The following KCNQ5 variants were observed in gnomAD, a reference collection of about 807,000 sequenced individuals.
KCNQ5 encodes potassium voltage-gated channel subfamily Q member 5, also known as potassium voltage-gated channel subfamily KQT member 5.
Under a neutral mutation model 98.2 loss-of-function variants are expected in KCNQ5, and 30 were observed. The ratio of observed to expected loss-of-function variants is 0.31; its 90% CI spans 0.23 to 0.41. KCNQ5 has a LOEUF of 0.41. KCNQ5 is among the 10% of genes least tolerant of loss of function. The pLI, the probability that KCNQ5 is intolerant of heterozygous loss-of-function variation, is 1.00. For synonymous variants in KCNQ5, 458 were observed against 449.4 expected (o/e 1.02, Z -0.24); for missense variants, 835 against 1,182.5 (o/e 0.71, Z 4.31).
intron 2 of KCNQ5, among the ~76,000 whole-genome samples, chr6:73,009,192 A>G (rs1769950468): frequency 6.6e-6 from 1 of 152,066 alleles, no homozygotes; most frequent in South Asian, 2.1e-4. Context: ...GGGTTTCACC[A>G]TATTAGCCAG....
intron 1 of KCNQ5, among the ~76,000 whole-genome samples, chr6:72,897,785 C>T (rs1178875312): frequency 6.6e-6 from 1 of 152,132 alleles, no homozygotes; most frequent in Non-Finnish European, 1.5e-5. Flanking sequence ...AAAATCATGG[C>T]TTTGTTGGGG....
chr6:73,120,646 C>G (rs1775707903), intron 8 of KCNQ5, 69 bp downstream of exon 8: 15 of 955,576 alleles, frequency 1.6e-5, no homozygotes, highest in Non-Finnish European at 2.1e-5. Flanking sequence ...ACCATACCCA[C>G]ACACACAAAA....
At chr6:72,923,012 A>C (rs1049096666) in intron 1 of KCNQ5, among the ~76,000 whole-genome samples, 5 of 151,718 alleles carry the variant, frequency 3.3e-5, no homozygotes, top group Admixed American at 2.6e-4. Context: ...GGGTTCCACC[A>C]TGTTGGCCAA....
At chr6:72,917,434 C>A (rs529508333) in intron 1 of KCNQ5, among the ~76,000 whole-genome samples, 4 of 151,228 alleles carry the variant, frequency 2.6e-5, no homozygotes, top group African/African-American at 7.3e-5. Flanking sequence ...AGGAGCCCCC[C>A]CACCATTTTT....
At chr6:73,103,655 T>C (rs1198217676) in intron 5 of KCNQ5, among the ~76,000 whole-genome samples, 1 of 151,850 alleles carries the variant, frequency 6.6e-6, no homozygotes, top group African/African-American at 2.4e-5. Context: ...AATTAACAGT[T>C]AAACTCACAA....
At chr6:72,677,914 T>C (rs1001158495) in intron 1 of KCNQ5, among the ~76,000 whole-genome samples, 25 of 152,252 alleles carry the variant, frequency 1.6e-4, no homozygotes, top group African/African-American at 6.0e-4. Flanking sequence ...TAGTAATTAC[T>C]GCCATTATTG....
chr6:72,805,113 G>T (rs1453732844), intron 1 of KCNQ5, among the ~76,000 whole-genome samples: 4 of 152,046 alleles, frequency 2.6e-5, no homozygotes, highest in African/African-American at 9.7e-5. Flanking sequence ...CATTCTGTGG[G>T]TTGTCTCTTC....
intron 1 of KCNQ5, among the ~76,000 whole-genome samples, chr6:72,632,138 C>CT (rs71540354): frequency 0.58 from 73,497 of 127,562 alleles, 22,784 homozygotes; most frequent in Middle Eastern, 0.73. Flanking sequence ...TTCTTTCTTT[C>CT]TTTTTTTTTT....
At position 72,899,066 on chromosome 6, in the gene KCNQ5, C is replaced by A. The variant is rs150888644; in HGVS notation, c.399-104842C>A. On this transcript the variant is annotated intron_variant, in intron 1 of 13. Transcript: ENST00000370398. ...AATTTGTTTAAGTTCCTTATAAATTCTGTATATTAGACCTTTGTCAGATGG... is the reference window on the plus strand; with the variant it reads ...AATTTGTTTAAGTTCCTTATAAATTATGTATATTAGACCTTTGTCAGATGG... 8.0e-3 allele frequency among the ~76,000 whole-genome samples: 1,221 copies of A among 152,110 alleles called. 29 individuals carry two copies. The highest frequency in any genetic ancestry group is 0.028 in the African/African-American group (1,155 of 41,496).
intron 2 of KCNQ5, among the ~76,000 whole-genome samples, chr6:73,034,806 A>T: frequency 6.6e-6 from 1 of 151,898 alleles, no homozygotes; most frequent in Non-Finnish European, 1.5e-5. Context: ...ATTGTAGATA[A>T]AATTCAAGAC....
chr6:72,868,066 A>T (rs1778063857), intron 1 of KCNQ5, among the ~76,000 whole-genome samples: 1 of 152,324 alleles, frequency 6.6e-6, no homozygotes, highest in East Asian at 1.9e-4. Flanking sequence ...CCAATCCGTC[A>T]GTCACATAGA....
intron 1 of KCNQ5, among the ~76,000 whole-genome samples, chr6:72,734,589 G>A (rs1770729995): frequency 6.6e-6 from 1 of 152,078 alleles, no homozygotes; most frequent in African/African-American, 2.4e-5. Flanking sequence ...ACTTTTATTT[G>A]TGCTGTGGTT....
In KCNQ5 at chr6:72,843,800, A is replaced by G. The variant is rs190799575; in HGVS notation, c.399-160108A>G. On this transcript the variant is annotated intron_variant, in intron 1 of 13. Transcript: ENST00000370398. ...TTGGAACCAGCCCAAATGCCCATCA[A>G]TGATAGACTGGATAAAGAAAATGTG... is the stretch of plus-strand genomic sequence containing the variant. Among the ~76,000 whole-genome samples, 5 of 152,334 alleles carry G rather than the reference A, an allele frequency of 3.3e-5. No individual in the cohort carries two copies. In the East Asian group the frequency reaches 7.7e-4, roughly 24 times the overall value.
chr6:72,823,544 G>A (rs1000158742), intron 1 of KCNQ5, among the ~76,000 whole-genome samples: 4 of 152,078 alleles, frequency 2.6e-5, no homozygotes, highest in Non-Finnish European at 4.4e-5. Context: ...GTTAGTATTT[G>A]AACATAAACA....
At chr6:72,842,500 T>C (rs547510716) in intron 1 of KCNQ5, among the ~76,000 whole-genome samples, 2 of 152,314 alleles carry the variant, frequency 1.3e-5, no homozygotes, top group African/African-American at 2.4e-5. Flanking sequence ...ATGTAGTTTA[T>C]CTAAGATCAT....
chr6:72,622,193 C>T lies in KCNQ5; in HGVS notation c.4C>T (p.Pro2Ser). 3 of 1,224,842 alleles carry T rather than the reference C, an allele frequency of 2.4e-6. No individual in the cohort carries two copies. In the South Asian group the frequency reaches 1.2e-4, roughly 50 times the overall value. The allele number at this position is 1,224,842 out of a possible 1,614,324, so 75.9% of individuals were successfully genotyped here. ...TCGCGGTGCCCGTGGTGATGCCATG[C>T]CCCGCCACCACGCGGGAGGAGAGGA... M[P>S]RHHAGGEEGG... Residue 2 changes from proline to serine, a missense_variant, in exon 1 of 14, where the codon CCC (proline) becomes TCC (serine). Coordinates refer to ENST00000370398, the MANE Select transcript of KCNQ5 (RefSeq NM_019842.4). This position sits in a 1 kb window ranked among gnomAD's most constrained non-coding sequence, Gnocchi z 6.0.
At chr6:72,687,636 A>G (rs1768020268) in intron 1 of KCNQ5, among the ~76,000 whole-genome samples, 1 of 152,222 alleles carries the variant, frequency 6.6e-6, no homozygotes, top group African/African-American at 2.4e-5. Flanking sequence ...TAGGCAAATG[A>G]TGGATGTAAA....
intron 10 of KCNQ5, chr6:73,135,883 C>T (rs917139669): frequency 1.3e-5 from 2 of 152,202 alleles, no homozygotes; most frequent in Non-Finnish European, 2.9e-5. Context: ...ATAGACTTTT[C>T]TCTGTACCCA....
intron 1 of KCNQ5, among the ~76,000 whole-genome samples, chr6:72,799,634 A>C (rs1413967923): frequency 6.6e-6 from 1 of 152,222 alleles, no homozygotes; most frequent in Non-Finnish European, 1.5e-5. Context: ...CATTTCTTTG[A>C]GATCAAACAC....
Sources: allele counts gnomAD v4.1 joint callset (sites outside exome capture counted in the v4.1 genomes callset), GRCh38; gene constraint gnomAD v4.1.1; non-coding constraint Gnocchi (gnomAD v3.1); transcripts MANE v1.5; gene names NCBI Gene and HGNC (gene_info 2026-07-23, HGNC 2026-07-21).